BRWD3: variants seen among roughly 807,000 people sequenced by gnomAD.
BRWD3 encodes the protein bromodomain and WD repeat-containing protein 3.
A neutral mutation model predicts 149.7 loss-of-function variants in BRWD3; 10 were observed. That is an observed-to-expected ratio of 0.07 (90% CI 0.04 to 0.11). BRWD3 has a LOEUF of 0.11. Ranked by LOEUF, BRWD3 falls within the 10% of genes least tolerant of loss-of-function variation. The pLI, the probability that BRWD3 is intolerant of heterozygous loss-of-function variation, is 1.00. For missense variants in BRWD3, 940 were observed against 1,373.2 expected, an observed-to-expected ratio of 0.68 and a Z score of 4.99; for synonymous variants, 504 against 456.7, an observed-to-expected ratio of 1.10 and a Z score of -1.32.
intron 4 of BRWD3, among the ~76,000 whole-genome samples, chrX:80,804,244 CTT>C (rs558904504): frequency 1.8e-4 from 18 of 99,938 alleles, no homozygotes; most frequent in Admixed American, 1.1e-4. Context: ...TTGGTTCAGT[CTT>C]TTTTTTTTTT....
At chrX:80,691,273 T>C in intron 30 of BRWD3, 100 bp from the exon 31 acceptor site, 8 of 800,470 alleles carry the variant, frequency 1.0e-5, no homozygotes, top group Middle Eastern at 3.4e-4. Context: ...GAGGGTGATA[T>C]ACTACTTTTC....
intron 37 of BRWD3, among the ~76,000 whole-genome samples, chrX:80,683,562 T>C (rs2072484255): frequency 8.9e-6 from 1 of 111,860 alleles, no homozygotes; most frequent in Non-Finnish European, 1.9e-5. Context: ...TTGATTACTA[T>C]TTTTCTATTC....
rs1204009468 is a variant in BRWD3, at chrX:80,809,759, AAGAGAGAG to A, written c.-296_-289del. The stretch of plus-strand genomic sequence containing the variant: ...AGAAGAGAGAGAGAGAGAGAGGAAA[AAGAGAGAG>A]AGAGAGAGAGAGAGAGAGAGAGAGA... On this transcript the variant is annotated 5_prime_UTR_variant, in exon 1 of 41. Transcript: ENST00000373275. The A allele has an allele frequency of 8.7e-3, 167 of 19,255 alleles. 2 individuals carry two copies. Among genetic ancestry groups the A allele is most frequent in the African/African-American group, 0.053 (134 of 2,545 alleles). 1.6% of individuals were successfully genotyped at this position (19,255 alleles called of 1,213,427 possible).
chrX:80,691,729 T>G, intron 30 of BRWD3, 94 bp downstream of exon 30: 5 of 1,060,684 alleles, frequency 4.7e-6, no homozygotes, highest in African/African-American at 1.8e-5. Flanking sequence ...AAGTGTACAG[T>G]GAGAAACTGC....
intron 6 of BRWD3, among the ~76,000 whole-genome samples, chrX:80,746,482 C>T (rs2073595750): frequency 9.0e-6 from 1 of 110,604 alleles, no homozygotes; most frequent in Non-Finnish European, 1.9e-5. Context: ...TCTCCAAATA[C>T]CACGTGGATT....
chrX:80,757,753 AT>A (rs2073759089), intron 6 of BRWD3, among the ~76,000 whole-genome samples: 1 of 112,418 alleles, frequency 8.9e-6, no homozygotes, highest in Admixed American at 9.5e-5. Context: ...TGACAGGATA[AT>A]AGATTTACTG....
intron 6 of BRWD3, among the ~76,000 whole-genome samples, chrX:80,782,956 GA>G (rs762215495): frequency 5.7e-5 from 6 of 104,760 alleles, no homozygotes; most frequent in Non-Finnish European, 1.2e-4. Flanking sequence ...CAACTCAATA[GA>G]AAAAAAAAAT....
In BRWD3 at chrX:80,802,452, A is replaced by AT. The variant is rs1397157260; in HGVS notation, c.180+6086_180+6087insA. On this transcript the variant is annotated intron_variant, in intron 4 of 40. Coordinates refer to ENST00000373275, the MANE Select transcript of BRWD3 (RefSeq NM_153252.5). ...GCAAGACTCTCATCTTAAAAAAAAA[A>AT]AAAAAAAAAAAAAAAATTAAAAATT... 4.6e-3 allele frequency among the ~76,000 whole-genome samples: 486 copies of AT among 106,541 alleles called. 5 individuals are homozygous for AT. The highest frequency in any genetic ancestry group is 0.016 in the African/African-American group (458 of 29,108). The allele number at this position is 106,541 out of a possible 115,157, so 92.5% of individuals were successfully genotyped here.
At chrX:80,743,073 A>T (rs1224441123) in intron 8 of BRWD3, among the ~76,000 whole-genome samples, 1 of 111,790 alleles carries the variant, frequency 8.9e-6, no homozygotes, top group African/African-American at 3.3e-5. Flanking sequence ...ACATCCCATG[A>T]ATACCTAATT....
intron 4 of BRWD3, among the ~76,000 whole-genome samples, chrX:80,795,028 TAACTC>T (rs781355799): frequency 2.8e-4 from 31 of 111,450 alleles, no homozygotes; most frequent in Non-Finnish European, 5.5e-4. Context: ...ATGCTTTAAA[TAACTC>T]AGCTATGTAG....
At chrX:80,701,766 G>A (rs1001678439) in intron 24 of BRWD3, among the ~76,000 whole-genome samples, 7 of 108,330 alleles carry the variant, frequency 6.5e-5, no homozygotes, top group Non-Finnish European at 1.3e-4. Context: ...AATAATACAC[G>A]TCATTAAGAT....
chrX:80,692,346 T>TA (rs1254087750), intron 28 of BRWD3, among the ~76,000 whole-genome samples, 196 bp from the exon 29 acceptor site: 2 of 111,885 alleles, frequency 1.8e-5, no homozygotes, highest in Non-Finnish European at 3.8e-5. Context: ...CTATGAAACT[T>TA]AGAGGGCAGA....
chrX:80,793,694 T>A lies in BRWD3; in HGVS notation c.259A>T (p.Ile87Phe). 1 of 1,206,616 alleles carries A rather than the reference T, an allele frequency of 8.3e-7. No individual in the cohort carries two copies. The highest frequency in any genetic ancestry group is 1.8e-5 in the South Asian group (1 of 56,885). Residue 87 changes from isoleucine to phenylalanine, a missense_variant, in exon 5 of 41, where the codon ATC (isoleucine) becomes TTC (phenylalanine). Transcript: ENST00000373275. Reference protein sequence around the residue: ...ERIGPLLDKEIPQSVPGVQTL... With the variant: ...ERIGPLLDKEFPQSVPGVQTL... ...TGTACCCCAGGAACACTCTGAGGGA[T>A]CTCTTTATCTAGTAAAGGACCAATT...
In BRWD3 at chrX:80,712,797, C is replaced by T. The variant is rs771250492; in HGVS notation, c.2326-3220G>A. ...GATGTGAGGAGCATCTCTGCCCGGC[C>T]GCGACCCCGTCTGGGAGGTGAGGAG... On this transcript the variant is annotated intron_variant, in intron 20 of 40. Coordinates refer to ENST00000373275, the MANE Select transcript of BRWD3 (RefSeq NM_153252.5). Among the ~76,000 whole-genome samples the T allele has an allele frequency of 1.9e-4, 20 of 107,335 alleles. No homozygotes were observed. In the South Asian group the frequency reaches 6.8e-3, roughly 36 times the overall value. The allele number at this position is 107,335 out of a possible 115,157, so 93.2% of individuals were successfully genotyped here.
chrX:80,724,567 T>C (rs887034260), intron 15 of BRWD3, among the ~76,000 whole-genome samples: 2 of 111,691 alleles, frequency 1.8e-5, no homozygotes, highest in African/African-American at 6.5e-5. Context: ...CTAAATCATA[T>C]GAGGTTTACC....
chrX:80,783,674 G>A (rs780806949), intron 6 of BRWD3, among the ~76,000 whole-genome samples: 1 of 111,197 alleles, frequency 9.0e-6, no homozygotes, highest in South Asian at 3.8e-4. Flanking sequence ...AGTAACCTAA[G>A]TATCCAACAC....
chrX:80,799,435 T>C (rs1207644360), intron 4 of BRWD3, among the ~76,000 whole-genome samples: 1 of 112,271 alleles, frequency 8.9e-6, no homozygotes, highest in Non-Finnish European at 1.9e-5. Flanking sequence ...ATACGCTATT[T>C]GTTTTCCAAG....
Position 80,809,697 on chromosome X carries a change from G to C in BRWD3, c.-226C>G. On this transcript the variant is annotated 5_prime_UTR_variant, in exon 1 of 41. Transcript: ENST00000373275. ...CGGAGGAGGAAGGAGAGGAGAGGGA[G>C]AGGGAGAGAGAGAGTGAGTGAGTGA... is the stretch of plus-strand genomic sequence containing the variant. 5.0e-6 allele frequency: 2 copies of C among 397,167 alleles called. No homozygotes were observed. The highest frequency in any genetic ancestry group is 8.6e-6 in the Non-Finnish European group (2 of 232,101). The allele number at this position is 397,167 out of a possible 1,213,427, so 32.7% of individuals were successfully genotyped here.
intron 14 of BRWD3, among the ~76,000 whole-genome samples, chrX:80,726,312 C>G (rs1006695271): frequency 9.8e-6 from 1 of 101,696 alleles, no homozygotes; most frequent in African/African-American, 3.5e-5. Context: ...CATGTTATGT[C>G]TGTATAACAT....
Sources: allele counts gnomAD v4.1 joint callset (sites outside exome capture counted in the v4.1 genomes callset), GRCh38; gene constraint gnomAD v4.1.1; transcripts MANE v1.5; gene names NCBI Gene and HGNC (gene_info 2026-07-23, HGNC 2026-07-21).